The following MYO16 variants were observed in gnomAD, a reference collection of about 807,000 sequenced individuals.
The protein encoded by MYO16 is myosin XVI.
A neutral mutation model predicts 205.3 loss-of-function variants in MYO16; 94 were observed. That is an observed-to-expected ratio of 0.46 (90% CI 0.39 to 0.54). The LOEUF (loss-of-function observed/expected upper bound fraction) is 0.54. Among genes scored for constraint, MYO16 ranks in the 20% least tolerant of loss-of-function variants. The pLI is 0.00. For synonymous variants in MYO16, 988 were observed against 954.0 expected, an observed-to-expected ratio of 1.04 and a Z score of -0.66; for missense variants, 2,315 against 2,387.5, an observed-to-expected ratio of 0.97 and a Z score of 0.63.
chr13:108,574,116 G>A, the MYO16 span, among the ~76,000 whole-genome samples: 1 of 152,172 alleles, frequency 6.6e-6, no homozygotes, highest in Non-Finnish European at 1.5e-5. Context: ...GCCTCCTAAA[G>A]TGCTGCGATT....
intron 9 of MYO16, 37 bp downstream of exon 9, chr13:108,823,315 C>G: frequency 6.4e-7 from 1 of 1,560,874 alleles, no homozygotes; most frequent in Non-Finnish European, 8.7e-7. Flanking sequence ...TTGCCATCTT[C>G]TCTACCTGCT....
chr13:108,813,526 A>G (rs1887359112), intron 7 of MYO16, among the ~76,000 whole-genome samples: 1 of 152,158 alleles, frequency 6.6e-6, no homozygotes, highest in Admixed American at 6.6e-5. Flanking sequence ...TTTTAAAGAG[A>G]TACTTTCACT....
intron 2 of MYO16, among the ~76,000 whole-genome samples, chr13:108,708,015 A>G (rs1340935718): frequency 1.3e-5 from 2 of 152,168 alleles, no homozygotes; most frequent in Non-Finnish European, 2.9e-5. Flanking sequence ...ACATTCCGTA[A>G]TCAGATATCC....
chr13:108,687,551 C>T (rs546253294), intron 2 of MYO16, among the ~76,000 whole-genome samples: 1 of 152,158 alleles, frequency 6.6e-6, no homozygotes, highest in Non-Finnish European at 1.5e-5. Flanking sequence ...TTAAACCACT[C>T]ATTTCTGGGC....
chr13:109,154,646 G>A (rs1877885831), intron 32 of MYO16, among the ~76,000 whole-genome samples: 1 of 151,956 alleles, frequency 6.6e-6, no homozygotes, highest in South Asian at 2.1e-4. Context: ...AGAAGAGCAG[G>A]GACGTTATCT....
chr13:108,673,961 G>A (rs1882098551), intron 2 of MYO16, among the ~76,000 whole-genome samples: 1 of 152,104 alleles, frequency 6.6e-6, no homozygotes, highest in Non-Finnish European at 1.5e-5. Flanking sequence ...GTAAAGTATT[G>A]ATGGCTTTAC....
At chr13:109,064,495 A>C (rs1420493458) in intron 27 of MYO16, among the ~76,000 whole-genome samples, 3 of 152,222 alleles carry the variant, frequency 2.0e-5, no homozygotes, top group Non-Finnish European at 2.9e-5. Context: ...TAGAACAAAA[A>C]ATCCTAAATC....
intron 20 of MYO16, among the ~76,000 whole-genome samples, chr13:108,991,647 T>A (rs142392237): frequency 8.3e-4 from 99 of 119,330 alleles, no homozygotes; most frequent in East Asian, 3.3e-3. Flanking sequence ...CAAGTATAGC[T>A]AGTGAGGACC....
chr13:109,133,012 A>G (rs1876610484), intron 31 of MYO16, among the ~76,000 whole-genome samples: 3 of 152,224 alleles, frequency 2.0e-5, no homozygotes, highest in Admixed American at 2.0e-4. Context: ...CATCGAGTGC[A>G]GTAGTGCAGT....
intron 5 of MYO16, 40 bp downstream of exon 5, chr13:108,785,783 G>A (rs541878632): frequency 1.5e-6 from 2 of 1,299,202 alleles, no homozygotes; most frequent in Non-Finnish European, 2.2e-6. Context: ...AAAATAGATT[G>A]GGAGAATTGT....
At chr13:108,997,396 G>C (rs79947137) in intron 21 of MYO16, among the ~76,000 whole-genome samples, 1 of 86,454 alleles carries the variant, frequency 1.2e-5, no homozygotes, top group African/African-American at 4.2e-5. Flanking sequence ...GAGAGGGAGG[G>C]AGGGAGAGTG....
At chr13:108,871,024 G>A (rs1016049276) in intron 12 of MYO16, among the ~76,000 whole-genome samples, 10 of 151,950 alleles carry the variant, frequency 6.6e-5, no homozygotes, top group South Asian at 2.1e-4. Context: ...AATATAAACC[G>A]AATTAATCTT....
chr13:108,811,327 A>T (rs189602130), intron 7 of MYO16, among the ~76,000 whole-genome samples: 49 of 152,086 alleles, frequency 3.2e-4, no homozygotes, highest in Admixed American at 3.3e-4. Flanking sequence ...TTATGCCCCT[A>T]CCCCTCTGAC....
chr13:108,913,993 G>T (rs967737366), intron 16 of MYO16, among the ~76,000 whole-genome samples: 1 of 152,046 alleles, frequency 6.6e-6, no homozygotes, highest in Non-Finnish European at 1.5e-5. Context: ...TGACCACGAG[G>T]CATCCCTGGA....
Position 109,071,159 on chromosome 13 carries a change from G to A in MYO16, c.3335+15564G>A, listed in dbSNP as rs780778583. Among the ~76,000 whole-genome samples, 93 of 152,080 alleles carry A rather than the reference G, an allele frequency of 6.1e-4. 1 individual carries two copies. Among genetic ancestry groups the A allele is most frequent in the Non-Finnish European group, 3.1e-4 (21 of 67,964 alleles). On this transcript the variant is annotated intron_variant, in intron 27 of 34. Transcript: ENST00000457511. ...AAATCCATATTTTTTTAAAAAACAC[G>A]TCATTTGCTAAAGAATGAAAAGGAT... is the stretch of plus-strand genomic sequence containing the variant.
chr13:109,005,372 A>G (rs1885354290), intron 21 of MYO16, among the ~76,000 whole-genome samples: 1 of 152,188 alleles, frequency 6.6e-6, no homozygotes, highest in African/African-American at 2.4e-5. Flanking sequence ...CCCATTGGGA[A>G]GGGTGGTAGT....
chr13:108,681,667 C>G (rs566617967), intron 2 of MYO16, among the ~76,000 whole-genome samples: 7 of 152,026 alleles, frequency 4.6e-5, no homozygotes, highest in South Asian at 2.1e-4. Context: ...TAGTGCTGTT[C>G]CACAGCTATG....
intron 4 of MYO16, among the ~76,000 whole-genome samples, chr13:108,732,122 C>T (rs1884542331): frequency 6.6e-6 from 1 of 152,150 alleles, no homozygotes; most frequent in Non-Finnish European, 1.5e-5. Context: ...ATTTTACTTG[C>T]CAGATGAAAC....
chr13:108,863,960 T>C (rs1422077783), intron 11 of MYO16, among the ~76,000 whole-genome samples: 2 of 152,194 alleles, frequency 1.3e-5, no homozygotes, highest in African/African-American at 2.4e-5. Flanking sequence ...ATTTAGTGGC[T>C]ACACTATGGT....
Sources: gnomAD v4.1 joint callset for allele counts (sites outside exome capture counted in the v4.1 genomes callset) on GRCh38, gnomAD v4.1.1 for gene constraint, MANE v1.5 for transcripts, NCBI Gene and HGNC (gene_info 2026-07-23, HGNC 2026-07-21) for gene names.